The following PTPRD variants were observed in gnomAD, a reference collection of about 807,000 sequenced individuals.
The protein encoded by PTPRD is receptor-type tyrosine-protein phosphatase delta.
In PTPRD, 34 loss-of-function variants were observed where a neutral mutation model predicts 214.5. The ratio of observed to expected loss-of-function variants is 0.16; its 90% confidence interval spans 0.12 to 0.21. The LOEUF (loss-of-function observed/expected upper bound fraction) is 0.21, where lower values mean the gene tolerates loss of function less well. Ranked by LOEUF, PTPRD falls within the 10% of genes least tolerant of loss-of-function variation. The probability of loss-of-function intolerance (pLI) is 1.00; values close to 1 mark genes in which losing one functional copy is unlikely to be tolerated. For missense variants in PTPRD, 2,545 were observed against 2,398.7 expected, an observed-to-expected ratio of 1.06 and a Z score of -1.27; for synonymous variants, 1,128 against 845.7, an observed-to-expected ratio of 1.33 and a Z score of -5.79.
chr9:9,105,361 A>G lies in PTPRD; in HGVS notation c.-143+77943T>C, dbSNP rs148782035. 5.9e-3 allele frequency among the ~76,000 whole-genome samples: 894 copies of G among 152,274 alleles called. 3 individuals are homozygous for G. The highest frequency in any genetic ancestry group is 7.6e-3 in the African/African-American group (315 of 41,560). ...TGTTGATTCTCTCTTTTCTATGCAG[A>G]TTCTCTAAGTCAACTTTCAGAGCTC... On this transcript the variant is annotated intron_variant, in intron 10 of 45. Transcript: ENST00000381196.
At chr9:9,617,567 A>G (rs917110024) in intron 7 of PTPRD, among the ~76,000 whole-genome samples, 69 of 152,274 alleles carry the variant, frequency 4.5e-4, no homozygotes, top group African/African-American at 1.6e-3. Context: ...ATGAAAAAAG[A>G]GAGTTCTAGG....
intron 8 of PTPRD, among the ~76,000 whole-genome samples, chr9:9,516,110 CT>C (rs910632610): frequency 5.9e-5 from 9 of 152,100 alleles, no homozygotes; most frequent in Non-Finnish European, 8.8e-5. Context: ...TAACTCTAAT[CT>C]TTGAAAATTA....
At chr9:9,748,701 T>A (rs1042232957) in intron 6 of PTPRD, among the ~76,000 whole-genome samples, 8 of 152,132 alleles carry the variant, frequency 5.3e-5, no homozygotes, top group African/African-American at 1.7e-4. Flanking sequence ...AATAAAAAAA[T>A]TATTTCAGGC....
chr9:9,384,459 C>T (rs2140474202), intron 9 of PTPRD, among the ~76,000 whole-genome samples: 1 of 138,600 alleles, frequency 7.2e-6, no homozygotes, highest in South Asian at 2.4e-4. Flanking sequence ...TAACACTAAT[C>T]ACCTGGTATG....
chr9:9,775,954 C>CAAAAAAA lies in PTPRD; in HGVS notation c.-367-9110_-367-9104dup, dbSNP rs59412193. ...TGGGCAACAGAGCAAGACTCTGTCTCAAAAAAAAAAAAAAAAAAAAAAAAA... is the reference window on the plus strand; with the variant it reads ...TGGGCAACAGAGCAAGACTCTGTCTCAAAAAAAAAAAAAAAAAAAAAAAAAAAAAAAA... On this transcript the variant is annotated intron_variant, in intron 5 of 45. Coordinates refer to ENST00000381196, the MANE Select transcript of PTPRD (RefSeq NM_002839.4). Among the ~76,000 whole-genome samples, 95 of 28,896 alleles carry CAAAAAAA rather than the reference C, an allele frequency of 3.3e-3. 5 individuals carry two copies. The highest frequency in any genetic ancestry group is 0.022 in the Middle Eastern group (1 of 46). 19.0% of individuals were successfully genotyped at this position (28,896 alleles called of 152,430 possible).
intron 5 of PTPRD, among the ~76,000 whole-genome samples, chr9:9,918,749 G>A (rs374251623): frequency 9.2e-4 from 140 of 152,148 alleles, no homozygotes; most frequent in African/African-American, 3.1e-3. Flanking sequence ...ATTAATCCAC[G>A]TATCTATAGC....
chr9:9,589,877 C>T (rs2092532453), intron 7 of PTPRD, among the ~76,000 whole-genome samples: 1 of 151,862 alleles, frequency 6.6e-6, no homozygotes, highest in Non-Finnish European at 1.5e-5. Context: ...AGCACACGTA[C>T]ACGGGGCTTG....
intron 8 of PTPRD, among the ~76,000 whole-genome samples, chr9:9,493,906 T>G (rs756188487): frequency 1.3e-4 from 20 of 152,086 alleles, no homozygotes; most frequent in Non-Finnish European, 2.4e-4. Flanking sequence ...CTGAAAACCT[T>G]GCAGAAAAAA....
chr9:9,728,271 C>G (rs574498265), intron 7 of PTPRD, among the ~76,000 whole-genome samples: 1 of 152,272 alleles, frequency 6.6e-6, no homozygotes, highest in Non-Finnish European at 1.5e-5. Flanking sequence ...CAAACTAATA[C>G]ATGTCCCATG....
At chr9:10,056,925 T>C (rs2097662562) in intron 3 of PTPRD, among the ~76,000 whole-genome samples, 1 of 152,174 alleles carries the variant, frequency 6.6e-6, no homozygotes, top group South Asian at 2.1e-4. Context: ...GCCTACATAT[T>C]CACTTTGGGA....
intron 3 of PTPRD, among the ~76,000 whole-genome samples, chr9:10,169,590 G>C (rs947778565): frequency 2.0e-4 from 30 of 151,638 alleles, no homozygotes; most frequent in Admixed American, 1.7e-3. Context: ...TATAAAATAG[G>C]TCAACTATTT....
At chr9:9,409,217 T>A (rs928132504) in intron 8 of PTPRD, among the ~76,000 whole-genome samples, 1 of 152,008 alleles carries the variant, frequency 6.6e-6, no homozygotes, top group Non-Finnish European at 1.5e-5. Context: ...AGGGGTATTC[T>A]ATGATAATAT....
At chr9:8,536,392 CAT>C (rs906614042) in intron 14 of PTPRD, among the ~76,000 whole-genome samples, 19 of 151,816 alleles carry the variant, frequency 1.3e-4, no homozygotes, top group Admixed American at 1.1e-3. Context: ...TAAAAATCCA[CAT>C]ATATATACAT....
At chr9:9,185,125 G>T (rs1254100194) in intron 9 of PTPRD, among the ~76,000 whole-genome samples, 1 of 152,046 alleles carries the variant, frequency 6.6e-6, no homozygotes, top group African/African-American at 2.4e-5. Flanking sequence ...GATTTGGAAT[G>T]TCCTTTGACC....
intron 9 of PTPRD, among the ~76,000 whole-genome samples, chr9:9,266,400 C>A (rs1252583330): frequency 2.7e-5 from 4 of 150,778 alleles, no homozygotes; most frequent in Non-Finnish European, 5.9e-5. Context: ...ACCAAGTAGA[C>A]CTAACAAACA....
chr9:9,394,053 A>C (rs554439149), intron 9 of PTPRD, among the ~76,000 whole-genome samples: 1 of 152,242 alleles, frequency 6.6e-6, no homozygotes, highest in South Asian at 2.1e-4. Flanking sequence ...ATACACACAA[A>C]ACTTTAATTT....
chr9:9,724,194 G>A (rs1324896302), intron 7 of PTPRD, among the ~76,000 whole-genome samples: 1 of 152,014 alleles, frequency 6.6e-6, no homozygotes, highest in Non-Finnish European at 1.5e-5. Context: ...ACATTTTTGG[G>A]GATCACCTTT....
chr9:8,607,393 C>T (rs1564678563), intron 14 of PTPRD, among the ~76,000 whole-genome samples: 4 of 152,014 alleles, frequency 2.6e-5, no homozygotes, highest in Admixed American at 2.6e-4. Context: ...GCCTGTAATC[C>T]CAACACTTTG....
intron 11 of PTPRD, among the ~76,000 whole-genome samples, chr9:8,945,195 A>T (rs10977387): frequency 0.15 from 20,734 of 141,010 alleles, 1,572 homozygotes; most frequent in South Asian, 0.24. Context: ...TCTTGAATTT[A>T]TCAAACAGAA....
Sources: allele counts gnomAD v4.1 joint callset (sites outside exome capture counted in the v4.1 genomes callset), GRCh38; gene constraint gnomAD v4.1.1; transcripts MANE v1.5; gene names NCBI Gene and HGNC (gene_info 2026-07-23, HGNC 2026-07-21).